CLSTN1: variants seen among roughly 807,000 people sequenced by gnomAD.
CLSTN1 encodes the protein calsyntenin-1.
A neutral mutation model predicts 108.3 loss-of-function variants in CLSTN1; 28 were observed. The observed-to-expected ratio is 0.26, with a 90% confidence interval of 0.19 to 0.35. The LOEUF (loss-of-function observed/expected upper bound fraction) is 0.35. CLSTN1 is among the 10% of genes least tolerant of loss of function. The probability of loss-of-function intolerance (pLI) is 1.00; values close to 1 mark genes in which losing one functional copy is unlikely to be tolerated. For missense variants in CLSTN1, 1,157 were observed against 1,302.6 expected (o/e 0.89, Z 1.72); for synonymous variants, 524 against 534.9 (o/e 0.98, Z 0.28).
intron 1 of CLSTN1, among the ~76,000 whole-genome samples, chr1:9,784,972 A>AAGTATTGT (rs1337413706): frequency 6.6e-6 from 1 of 151,902 alleles, no homozygotes; most frequent in Admixed American, 6.6e-5. Context: ...CTGGGTCTCT[A>AAGTATTGT]AGTATTGTCC....
rs555790095 is a variant in CLSTN1, at chr1:9,762,853, G to A, written c.215-6343C>T. ...GCCCGCACTCAACGGCTGGGTGTCC[G>A]GGCTGTCCCTGACGTTGGGTGACCT... On this transcript the variant is annotated intron_variant, in intron 2 of 18. Transcript: ENST00000377298. Among the ~76,000 whole-genome samples the A allele has an allele frequency of 9.9e-5, 15 of 152,192 alleles. No individual in the cohort carries two copies. In the East Asian group the frequency reaches 1.7e-3, roughly 18 times the overall value.
Position 9,744,552 on chromosome 1 carries a change from G to A in CLSTN1, c.1077C>T (p.Ser359=), listed in dbSNP as rs747960463. Residue 359 remains serine, a synonymous_variant, in exon 8 of 19, where the codon AGC becomes AGT. Transcript: ENST00000377298. ...TGCCGTTGAACTCAAACACCTGGTC[G>A]CTGTCGTGGCCATTGTCGGTGGGCA... is the stretch of plus-strand genomic sequence containing the variant. ...MGLPTDNGHD[S]DQVFEFNGTQ... 1.4e-5 allele frequency: 23 copies of A among 1,613,430 alleles called. No homozygotes were observed. Among genetic ancestry groups the A allele is most frequent in the East Asian group, 2.2e-5 (1 of 44,876 alleles).
At chr1:9,765,673 A>G (rs765445656) in intron 2 of CLSTN1, among the ~76,000 whole-genome samples, 2 of 152,066 alleles carry the variant, frequency 1.3e-5, no homozygotes, top group Non-Finnish European at 2.9e-5. Flanking sequence ...TGAGGTCAGC[A>G]GTTTGCGGCC....
chr1:9,758,373 G>A (rs1651918123), intron 2 of CLSTN1, among the ~76,000 whole-genome samples: 2 of 151,332 alleles, frequency 1.3e-5, no homozygotes, highest in Admixed American at 6.6e-5. Context: ...GAGTACAGTG[G>A]TAGCATCTCA....
chr1:9,747,380 T>G (rs991448052), intron 7 of CLSTN1, among the ~76,000 whole-genome samples: 1 of 152,134 alleles, frequency 6.6e-6, no homozygotes, highest in Non-Finnish European at 1.5e-5. Flanking sequence ...TATATTTAGG[T>G]GACAATTATG....
chr1:9,806,602 G>A (rs543158770), intron 1 of CLSTN1, among the ~76,000 whole-genome samples: 102 of 152,260 alleles, frequency 6.7e-4, no homozygotes, highest in African/African-American at 2.2e-3. Context: ...ACACGAGGCC[G>A]GGCGCGGTGG....
In CLSTN1 at chr1:9,731,288, G is replaced by A. The variant is rs1299079171; in HGVS notation, c.2666C>T (p.Thr889Ile). The A allele has an allele frequency of 1.2e-6, 2 of 1,614,106 alleles. No homozygotes were observed. Among genetic ancestry groups the A allele is most frequent in the South Asian group, 1.1e-5 (1 of 91,094 alleles). The change falls in exon 18 of 19, where the codon ACC (threonine) becomes ATC (isoleucine). Residue 889 changes from threonine to isoleucine, a missense_variant. Coordinates refer to ENST00000377298, the MANE Select transcript of CLSTN1 (RefSeq NM_001009566.3). ...CTTCCCGGTGTCCTGATCCCGCATG[G>A]TCCGCCGATGTGCGGCCCGGATCCG... is the stretch of plus-strand genomic sequence containing the variant. ...VFRIRAAHRR[T>I]MRDQDTGKEN...
intron 1 of CLSTN1, among the ~76,000 whole-genome samples, chr1:9,795,354 C>T (rs111574923): frequency 0.022 from 3,282 of 150,958 alleles, 149 homozygotes; most frequent in African/African-American, 0.07. Context: ...TTAGTAGAGA[C>T]GGGGTTTCTC....
chr1:9,739,784 T>A (rs537056861), intron 10 of CLSTN1, among the ~76,000 whole-genome samples: 117 of 151,784 alleles, frequency 7.7e-4, no homozygotes, highest in Non-Finnish European at 1.3e-3. Flanking sequence ...AGGGTCTCAC[T>A]CTGTTGCTCG....
chr1:9,768,367 G>A (rs1389696924), intron 2 of CLSTN1, among the ~76,000 whole-genome samples: 11 of 135,492 alleles, frequency 8.1e-5, no homozygotes, highest in African/African-American at 2.8e-4. Context: ...GCGGGATTCT[G>A]TGTTGGGCGG....
At chr1:9,749,711 C>T (rs1651460655) in intron 6 of CLSTN1, 53 bp downstream of exon 6, 13 of 1,611,426 alleles carry the variant, frequency 8.1e-6, no homozygotes, top group Non-Finnish European at 1.1e-5. Context: ...GTTGCTGCCG[C>T]ATACATCAGT....
At chr1:9,810,122 A>G (rs1217736857) in intron 1 of CLSTN1, among the ~76,000 whole-genome samples, 5 of 76,116 alleles carry the variant, frequency 6.6e-5, no homozygotes, top group African/African-American at 2.1e-4. Flanking sequence ...GGAAGGAAGG[A>G]AGGGAGAAGG....
rs538511837 is a variant in CLSTN1, at chr1:9,735,929, C to A, written c.1690G>T (p.Gly564Trp). 2 of 1,614,216 alleles carry A rather than the reference C, an allele frequency of 1.2e-6. No individual in the cohort carries two copies. The highest frequency in any genetic ancestry group is 1.7e-6 in the Non-Finnish European group (2 of 1,180,042). ...TCTTCGAGGACCTGCAGGTCCAGCC[C>A]CTCCTTGCAGGTATACAGACAGTCG... Reference protein sequence around the residue: ...VIDCLYTCKEGLDLQVLEDSG... With the variant: ...VIDCLYTCKEWLDLQVLEDSG... The change falls in exon 12 of 19, where the codon GGG (glycine) becomes TGG (tryptophan). Residue 564 changes from glycine to tryptophan, a missense_variant. Coordinates refer to ENST00000377298, the MANE Select transcript of CLSTN1 (RefSeq NM_001009566.3).
intron 2 of CLSTN1, among the ~76,000 whole-genome samples, chr1:9,760,870 A>G (rs1370225237): frequency 1.3e-5 from 2 of 151,556 alleles, no homozygotes; most frequent in African/African-American, 4.8e-5. Context: ...ACCATCACAT[A>G]CGAAGGTGCA....
intron 1 of CLSTN1, among the ~76,000 whole-genome samples, chr1:9,778,054 C>T (rs974123708): frequency 6.6e-6 from 1 of 152,128 alleles, no homozygotes; most frequent in Non-Finnish European, 1.5e-5. Flanking sequence ...GGGCCCGCGA[C>T]CTCAGGGCCT....
intron 1 of CLSTN1, among the ~76,000 whole-genome samples, chr1:9,804,141 T>C (rs1654403210): frequency 6.6e-6 from 1 of 151,558 alleles, no homozygotes; most frequent in African/African-American, 2.4e-5. Context: ...GGCGGGCGGA[T>C]CACGAGGTCA....
At position 9,729,406 on chromosome 1, in the gene CLSTN1, C is replaced by T. The variant is rs1246009377; in HGVS notation, c.*1102G>A. On this transcript the variant is annotated 3_prime_UTR_variant, in exon 19 of 19. Coordinates refer to ENST00000377298, the MANE Select transcript of CLSTN1 (RefSeq NM_001009566.3). Reference sequence around the variant, plus strand: ...GGCTCCTGGGGGAGAGGGATTTCAACCCCCCTGATGGCAGGGGGTGCTCTG... The same window carrying T: ...GGCTCCTGGGGGAGAGGGATTTCAATCCCCCTGATGGCAGGGGGTGCTCTG... 6.6e-6 allele frequency: 1 copy of T among 152,602 alleles called. No individual in the cohort carries two copies. The highest frequency in any genetic ancestry group is 1.5e-5 in the Non-Finnish European group (1 of 68,046). The allele number at this position is 152,602 out of a possible 1,614,324, so 9.5% of individuals were successfully genotyped here. A position where few individuals can be genotyped will look rare whatever the true frequency, so the allele number is the denominator to read the frequency against.
At chr1:9,807,097 G>A (rs1654541729) in intron 1 of CLSTN1, among the ~76,000 whole-genome samples, 1 of 152,052 alleles carries the variant, frequency 6.6e-6, no homozygotes, top group South Asian at 2.1e-4. Context: ...CCCAGGTCAA[G>A]TGAGTTGGTT....
intron 4 of CLSTN1, among the ~76,000 whole-genome samples, chr1:9,753,805 C>T (rs1388755790): frequency 6.6e-6 from 1 of 151,990 alleles, no homozygotes; most frequent in Non-Finnish European, 1.5e-5. Flanking sequence ...CCGTGCCTGG[C>T]CAATTTTTGT....
Sources: gnomAD v4.1 joint callset for allele counts (sites outside exome capture counted in the v4.1 genomes callset) on GRCh38, gnomAD v4.1.1 for gene constraint, MANE v1.5 for transcripts, NCBI Gene and HGNC (gene_info 2026-07-23, HGNC 2026-07-21) for gene names.